The following AR variants were observed in gnomAD, a reference collection of about 807,000 sequenced individuals.
The protein encoded by AR is androgen receptor.
Under a neutral mutation model 53.9 loss-of-function variants are expected in AR, and 8 were observed. The ratio of observed to expected loss-of-function variants is 0.15; its 90% confidence interval spans 0.09 to 0.27. The LOEUF (loss-of-function observed/expected upper bound fraction) is 0.27, where lower values mean the gene tolerates loss of function less well. Among genes scored for constraint, AR ranks in the 10% least tolerant of loss-of-function variants. AR has a pLI of 1.00. For missense variants in AR, 639 were observed against 742.5 expected (o/e 0.86, Z 1.62); for synonymous variants, 359 against 316.4 (o/e 1.13, Z -1.43).
intron 1 of AR, among the ~76,000 whole-genome samples, chrX:67,600,386 G>A (rs936645684): frequency 1.8e-5 from 2 of 111,052 alleles, no homozygotes; most frequent in African/African-American, 6.5e-5. Context: ...TGTCATTTTT[G>A]CAACAAAATG....
At chrX:67,618,761 G>T (rs978315650) in intron 1 of AR, among the ~76,000 whole-genome samples, 26 of 111,058 alleles carry the variant, frequency 2.3e-4, no homozygotes, top group Non-Finnish European at 3.8e-5. Context: ...AGATGATGTG[G>T]CAAAGGAGAC....
At chrX:67,669,710 A>G (rs1927448675) in intron 2 of AR, among the ~76,000 whole-genome samples, 1 of 110,833 alleles carries the variant, frequency 9.0e-6, no homozygotes, top group African/African-American at 3.3e-5. Context: ...TTTGCTTTAG[A>G]TACCTGGGTG....
rs5964604 is a variant in AR, at chrX:67,624,004, G to A, written c.1617-19252G>A. 7.4e-3 allele frequency among the ~76,000 whole-genome samples: 817 copies of A among 110,822 alleles called. 10 individuals carry two copies. Among genetic ancestry groups the A allele is most frequent in the African/African-American group, 0.026 (790 of 30,524 alleles). ...TTAGGAAATTTACATCAGGTGAAAGGCTAAGGGGCATGGAAGACATGTCTT... is the reference window on the plus strand; with the variant it reads ...TTAGGAAATTTACATCAGGTGAAAGACTAAGGGGCATGGAAGACATGTCTT... On this transcript the variant is annotated intron_variant, in intron 1 of 7. Transcript: ENST00000374690.
In AR at chrX:67,643,422, A is replaced by T. The variant is rs1328869308; in HGVS notation, c.1768+15A>T. ...AGCCGCTGAAGGTAAAGGGTCTTGC[A>T]CATGCACTTCTCTTTCCCTTTCTCC... On this transcript the variant is annotated intron_variant, in intron 2 of 7. Transcript: ENST00000374690. 1 of 1,200,542 alleles carries T rather than the reference A, an allele frequency of 8.3e-7. No homozygotes were observed. The highest frequency in any genetic ancestry group is 1.1e-6 in the Non-Finnish European group (1 of 889,988).
At position 67,615,168 on chromosome X, in the gene AR, T is replaced by A. The variant is rs762047237; in HGVS notation, c.1617-28088T>A. ...AGAAAAGAGCAGAAAGAATATTTTTTAAAAAATGGATAAAATCTTCCAAAA... is the reference window on the plus strand; with the variant it reads ...AGAAAAGAGCAGAAAGAATATTTTTAAAAAAATGGATAAAATCTTCCAAAA... On this transcript the variant is annotated intron_variant, in intron 1 of 7. Coordinates refer to ENST00000374690, the MANE Select transcript of AR (RefSeq NM_000044.6). 5.4e-5 allele frequency among the ~76,000 whole-genome samples: 6 copies of A among 111,132 alleles called. No homozygotes were observed. In the South Asian group the frequency reaches 2.3e-3, roughly 42 times the overall value.
intron 1 of AR, among the ~76,000 whole-genome samples, chrX:67,574,073 G>A (rs752551462): frequency 2.2e-4 from 24 of 111,547 alleles, no homozygotes; most frequent in Non-Finnish European, 4.2e-4. Context: ...GGAAGTGTAC[G>A]GAAAATAGGA....
intron 3 of AR, among the ~76,000 whole-genome samples, chrX:67,705,083 A>G (rs1479836439): frequency 9.0e-6 from 1 of 110,857 alleles, no homozygotes; most frequent in African/African-American, 3.3e-5. Flanking sequence ...GTAGCGTGAT[A>G]CCTCCAGCTT....
At chrX:67,586,683 G>A (rs1922561856) in intron 1 of AR, among the ~76,000 whole-genome samples, 1 of 112,147 alleles carries the variant, frequency 8.9e-6, no homozygotes, top group Non-Finnish European at 1.9e-5. Flanking sequence ...AGAAGATGAG[G>A]TTAGACGGTT....
chrX:67,548,330 A>C (rs1929854221), intron 1 of AR, among the ~76,000 whole-genome samples: 1 of 111,977 alleles, frequency 8.9e-6, no homozygotes, highest in African/African-American at 3.3e-5. Context: ...CAAGATTTTC[A>C]GAGGGTTCAT....
In AR at chrX:67,546,231, G is replaced by C. The variant is rs770988211; in HGVS notation, c.1085G>C (p.Arg362Pro). The C allele has an allele frequency of 8.3e-7, 1 of 1,211,344 alleles. No homozygotes were observed. The highest frequency in any genetic ancestry group is 1.1e-6 in the Non-Finnish European group (1 of 895,384). ...GACGAGGCAGCTGCGTACCAGAGTC[G>C]CGACTACTACAACTTTCCACTGGCT... is the stretch of plus-strand genomic sequence containing the variant. ...ALDEAAAYQSRDYYNFPLALA... is the reference protein window; with the variant it reads ...ALDEAAAYQSPDYYNFPLALA... Residue 362 changes from arginine to proline, a missense_variant, in exon 1 of 8, where the codon CGC (arginine) becomes CCC (proline). Physicochemically the swap from Arg to Pro is moderately radical, Grantham distance 103 (BLOSUM62 -2). This residue lies in a region of AR where 423 missense variants were observed against 377.0 expected (regional missense o/e 1.12). Coordinates refer to ENST00000374690, the MANE Select transcript of AR (RefSeq NM_000044.6).
rs895422124 is a variant in AR at position 67,683,505 on chromosome X, T to C, written c.1769-2505T>C. Among the ~76,000 whole-genome samples, 3 of 112,251 alleles carry C rather than the reference T, an allele frequency of 2.7e-5. No individual in the cohort carries two copies. The Admixed American group carries it at 2.8e-4, about 11-fold the overall frequency. On this transcript the variant is annotated intron_variant, in intron 2 of 7. Transcript: ENST00000374690. ...ACTTTCCAGTCCAATCTATCTCATG[T>C]AATCAATGGGGCCCAGAGAGGCAAA...
At chrX:67,569,076 T>C in intron 1 of AR, 1 of 1,158,030 alleles carries the variant, frequency 8.6e-7, no homozygotes, top group Non-Finnish European at 1.2e-6. Flanking sequence ...GTAGTGAGTG[T>C]TGTAAGGTTT....
intron 1 of AR, among the ~76,000 whole-genome samples, chrX:67,580,747 T>A (rs917157872): frequency 9.0e-6 from 1 of 111,417 alleles, no homozygotes; most frequent in African/African-American, 3.3e-5. Context: ...TCCTTTGAAG[T>A]GCCTATTCCA....
chrX:67,645,779 T>A (rs1276030885), intron 2 of AR, among the ~76,000 whole-genome samples: 1 of 109,550 alleles, frequency 9.1e-6, no homozygotes, highest in Non-Finnish European at 1.9e-5. Flanking sequence ...AAAAAAAAAA[T>A]TACTGGTGTT....
At chrX:67,558,703 C>T (rs1223942205) in intron 1 of AR, among the ~76,000 whole-genome samples, 2 of 111,949 alleles carry the variant, frequency 1.8e-5, no homozygotes, top group African/African-American at 3.2e-5. Context: ...CTAGAGATCC[C>T]AAGGAGGTTG....
intron 2 of AR, among the ~76,000 whole-genome samples, chrX:67,674,780 T>C (rs1306848952): frequency 9.0e-6 from 1 of 111,335 alleles, no homozygotes; most frequent in Admixed American, 9.5e-5. Flanking sequence ...AGAGTCCATT[T>C]GGTGCTCTAC....
At chrX:67,723,051 C>T in intron 7 of AR, 67 bp downstream of exon 7, 1 of 1,154,370 alleles carries the variant, frequency 8.7e-7, no homozygotes, top group Non-Finnish European at 1.2e-6. Flanking sequence ...TAATATGCTT[C>T]TCTAGAGTCT....
At chrX:67,629,839 C>G (rs2147411744) in intron 1 of AR, among the ~76,000 whole-genome samples, 1 of 111,052 alleles carries the variant, frequency 9.0e-6, no homozygotes, top group South Asian at 3.9e-4. Flanking sequence ...TATGTTGTGT[C>G]TTTGTTCTCT....
chrX:67,727,726 G>C lies in AR; in HGVS notation c.*3885G>C, dbSNP rs2076163422. 7 of 171,177 alleles carry C rather than the reference G, an allele frequency of 4.1e-5. No homozygotes were observed. The allele number at this position is 171,177 out of a possible 1,213,427, so 14.1% of individuals were successfully genotyped here. ...ACTACCCGAGCATGGCCCCTGCATAGCCCTGGAAAAATAAGAGGCTGACTG... is the reference window on the plus strand; with the variant it reads ...ACTACCCGAGCATGGCCCCTGCATACCCCTGGAAAAATAAGAGGCTGACTG... On this transcript the variant is annotated 3_prime_UTR_variant, in exon 8 of 8. Coordinates refer to ENST00000374690, the MANE Select transcript of AR (RefSeq NM_000044.6).
Sources: gnomAD v4.1 joint callset for allele counts (sites outside exome capture counted in the v4.1 genomes callset) on GRCh38, gnomAD v4.1.1 for gene constraint, gnomAD v4.1.1 regional missense constraint, MANE v1.5 for transcripts, NCBI Gene and HGNC (gene_info 2026-07-23, HGNC 2026-07-21) for gene names.